Variants in SLC44A1 observed in about 807,000 individuals in gnomAD.
The protein encoded by SLC44A1 is choline transporter-like protein 1.
SLC44A1 carries 26 observed loss-of-function variants against 79.3 expected under a neutral mutation model. That is an observed-to-expected ratio of 0.33 (90% CI 0.24 to 0.46). The LOEUF (loss-of-function observed/expected upper bound fraction) is 0.46, where lower values mean the gene tolerates loss of function less well. Among genes scored for constraint, SLC44A1 ranks in the 20% least tolerant of loss-of-function variants. The pLI is 1.00. For missense variants in SLC44A1, 688 were observed against 798.1 expected (o/e 0.86, Z 1.66); for synonymous variants, 263 against 286.2 (o/e 0.92, Z 0.82).
chr9:105,294,974 T>G (rs998371333), intron 1 of SLC44A1, among the ~76,000 whole-genome samples: 1 of 151,526 alleles, frequency 6.6e-6, no homozygotes, highest in African/African-American at 2.4e-5. Context: ...TTGCCTGTGT[T>G]TAGTACACTG....
At chr9:105,437,465 A>C (rs1410029096) in intron 15 of SLC44A1, among the ~76,000 whole-genome samples, 1 of 152,004 alleles carries the variant, frequency 6.6e-6, no homozygotes, top group African/African-American at 2.4e-5. Context: ...TATTAGGTCC[A>C]TACTCTCTCT....
intron 12 of SLC44A1, among the ~76,000 whole-genome samples, chr9:105,374,302 T>A (rs1828207365): frequency 6.6e-6 from 1 of 152,238 alleles, no homozygotes; most frequent in African/African-American, 2.4e-5. Context: ...TTAAATTATG[T>A]TTGATTTACT....
At position 105,389,425 on chromosome 9, in the gene SLC44A1, C is replaced by T; in HGVS notation, c.*369C>T. 2.9e-6 allele frequency: 3 copies of T among 1,032,744 alleles called. No homozygotes were observed. In the South Asian group the frequency reaches 1.3e-4, roughly 44 times the overall value. The allele number at this position is 1,032,744 out of a possible 1,614,324, so 64.0% of individuals were successfully genotyped here. ...TTTAAAAATAGGTAAAATTATTGTA[C>T]CTAATTATGTCTAAAGTTTATTCAG... On this transcript the variant is annotated 3_prime_UTR_variant, in exon 16 of 16. Transcript: ENST00000374720.
At chr9:105,404,574 A>G (rs1829004098) in intron 15 of SLC44A1, among the ~76,000 whole-genome samples, 2 of 152,154 alleles carry the variant, frequency 1.3e-5, no homozygotes, top group African/African-American at 4.8e-5. Context: ...CTCTCTGCCT[A>G]TTTTCTTGAC....
At chr9:105,434,987 A>G (rs1829445533) in intron 15 of SLC44A1, among the ~76,000 whole-genome samples, 1 of 152,180 alleles carries the variant, frequency 6.6e-6, no homozygotes, top group Non-Finnish European at 1.5e-5. Context: ...TCTACAAAAA[A>G]TACAAAAAAT....
At chr9:105,261,968 TGAGAC>T (rs1829852635) in intron 1 of SLC44A1, among the ~76,000 whole-genome samples, 1 of 151,930 alleles carries the variant, frequency 6.6e-6, no homozygotes, top group Non-Finnish European at 1.5e-5. Flanking sequence ...TATTTTTAGT[TGAGAC>T]GGGGTTTCAC....
chr9:105,392,525 A>G lies in SLC44A1; in HGVS notation c.*3469A>G, dbSNP rs550366283. ...TTCCTTGCCTTCCCTGGGCAGTTTT[A>G]GGATTTCACCCTAGTAGGGGGTATG... On this transcript the variant is annotated 3_prime_UTR_variant, in exon 16 of 16. Transcript: ENST00000374720. 6 of 977,502 alleles carry G rather than the reference A, an allele frequency of 6.1e-6. No homozygotes were observed. In the Admixed American group the frequency reaches 3.5e-4, roughly 56 times the overall value. 60.6% of individuals were successfully genotyped at this position (977,502 alleles called of 1,614,324 possible).
At chr9:105,292,410 A>G (rs1376358042) in intron 1 of SLC44A1, among the ~76,000 whole-genome samples, 1 of 152,218 alleles carries the variant, frequency 6.6e-6, no homozygotes. Context: ...TGGAGCCACA[A>G]AATCTTTAGT....
chr9:105,350,703 G>A (rs748282467), intron 5 of SLC44A1, among the ~76,000 whole-genome samples: 71 of 152,166 alleles, frequency 4.7e-4, no homozygotes, highest in Non-Finnish European at 8.7e-4. Context: ...GTTTCCTCAT[G>A]TGTGAAGTGG....
intron 15 of SLC44A1, among the ~76,000 whole-genome samples, chr9:105,428,994 A>G (rs1481312964): frequency 1.3e-5 from 2 of 152,182 alleles, no homozygotes; most frequent in Admixed American, 1.3e-4. Context: ...ATGAGCCACC[A>G]CACCCGGCCG....
chr9:105,391,675 C>A lies in SLC44A1; in HGVS notation c.*2619C>A. ...GATATTCCTGCTGCCTCTTTTCATT[C>A]ATTTCAAGTCATTCTTCAGCTAGCT... is the stretch of plus-strand genomic sequence containing the variant. On this transcript the variant is annotated 3_prime_UTR_variant, in exon 16 of 16. Coordinates refer to ENST00000374720, the MANE Select transcript of SLC44A1 (RefSeq NM_080546.5). The A allele has an allele frequency of 4.1e-6, 4 of 980,784 alleles. No homozygotes were observed. The highest frequency in any genetic ancestry group is 4.8e-6 in the Non-Finnish European group (4 of 825,528). The allele number at this position is 980,784 out of a possible 1,614,324, so 60.8% of individuals were successfully genotyped here.
chr9:105,351,353 G>A lies in SLC44A1; in HGVS notation c.500+2902G>A, dbSNP rs553681189. ...GTTTGAGACCAGCCTGGCCAACATGGTGGAACCTCGTCTCTACCAAAAACA... is the reference window on the plus strand; with the variant it reads ...GTTTGAGACCAGCCTGGCCAACATGATGGAACCTCGTCTCTACCAAAAACA... On this transcript the variant is annotated intron_variant, in intron 5 of 15. Coordinates refer to ENST00000374720, the MANE Select transcript of SLC44A1 (RefSeq NM_080546.5). Among the ~76,000 whole-genome samples, 28 of 152,164 alleles carry A rather than the reference G, an allele frequency of 1.8e-4. No individual in the cohort carries two copies. In the South Asian group the frequency reaches 5.8e-3, roughly 32 times the overall value.
rs866927947 is a variant in SLC44A1 at position 105,340,831 on chromosome 9, A to G, written c.406+5132A>G. Among the ~76,000 whole-genome samples the G allele has an allele frequency of 1.2e-4, 18 of 152,300 alleles. No homozygotes were observed. In the South Asian group the frequency reaches 1.2e-3, roughly 11 times the overall value. On this transcript the variant is annotated intron_variant, in intron 4 of 15. Coordinates refer to ENST00000374720, the MANE Select transcript of SLC44A1 (RefSeq NM_080546.5). ...CTATGGTGGTGGTTGTAAGAAATCT[A>G]TTTACTAGGCAAATAAATTATTTCC...
At chr9:105,295,021 A>ATGTT (rs1241163715) in intron 1 of SLC44A1, among the ~76,000 whole-genome samples, 3 of 151,586 alleles carry the variant, frequency 2.0e-5, no homozygotes, top group African/African-American at 7.3e-5. Flanking sequence ...CTTTGTTACC[A>ATGTT]TGTTTGTTTG....
At chr9:105,312,690 TTTA>T (rs1199908214) in intron 3 of SLC44A1, among the ~76,000 whole-genome samples, 1 of 152,248 alleles carries the variant, frequency 6.6e-6, no homozygotes, top group Non-Finnish European at 1.5e-5. Context: ...ATTATTAGTT[TTTA>T]TTATTTACTA....
At chr9:105,304,974 T>G (rs1234304324) in intron 2 of SLC44A1, among the ~76,000 whole-genome samples, 129 of 115,504 alleles carry the variant, frequency 1.1e-3, no homozygotes, top group Non-Finnish European at 1.8e-3. Context: ...TTTTTTTTTT[T>G]TTTTTTTTTT....
At chr9:105,281,784 G>A (rs1439537572) in intron 1 of SLC44A1, among the ~76,000 whole-genome samples, 1 of 152,186 alleles carries the variant, frequency 6.6e-6, no homozygotes, top group African/African-American at 2.4e-5. Flanking sequence ...GCTTATTCTT[G>A]GGTGGACTTT....
intron 15 of SLC44A1, among the ~76,000 whole-genome samples, chr9:105,409,363 A>G (rs1403528746): frequency 6.6e-6 from 1 of 152,268 alleles, no homozygotes; most frequent in African/African-American, 2.4e-5. Flanking sequence ...CATAAAAGGA[A>G]CAATGCATCA....
At chr9:105,344,443 C>T (rs779627812) in intron 4 of SLC44A1, among the ~76,000 whole-genome samples, 13 of 152,048 alleles carry the variant, frequency 8.5e-5, no homozygotes, top group Non-Finnish European at 1.9e-4. Context: ...TGGATAGAGG[C>T]CAGGGATGTT....
Sources: allele counts gnomAD v4.1 joint callset (sites outside exome capture counted in the v4.1 genomes callset), GRCh38; gene constraint gnomAD v4.1.1; transcripts MANE v1.5; gene names NCBI Gene and HGNC (gene_info 2026-07-23, HGNC 2026-07-21).